ACAD11: variants seen among roughly 807,000 people sequenced by gnomAD.
ACAD11 encodes the protein acyl-Coenzyme A dehydrogenase family, member 11.
ACAD11 carries 83 observed loss-of-function variants against 102.2 expected under a neutral mutation model. The observed-to-expected ratio is 0.81, with a 90% CI of 0.68 to 0.97. The LOEUF is 0.97. Ranked by LOEUF, ACAD11 falls within the 50% of genes least tolerant of loss-of-function variation. The probability of loss-of-function intolerance (pLI) is 0.00; values close to 1 mark genes in which losing one functional copy is unlikely to be tolerated. For missense variants in ACAD11, 901 were observed against 951.7 expected (o/e 0.95, Z 0.70); for synonymous variants, 324 against 319.8 (o/e 1.01, Z -0.14).
intron 17 of ACAD11, among the ~76,000 whole-genome samples, chr3:132,568,815 A>G (rs984221903): frequency 6.6e-6 from 1 of 150,390 alleles, no homozygotes; most frequent in African/African-American, 2.4e-5. Context: ...AAAAAAAAAA[A>G]AAAAAAAAAA....
chr3:132,659,300 G>T (rs922631989), intron 1 of ACAD11, among the ~76,000 whole-genome samples: 1 of 152,196 alleles, frequency 6.6e-6, no homozygotes, highest in Admixed American at 6.5e-5. Context: ...CTATTTCTCA[G>T]AATTTGTAGC....
chr3:132,618,746 C>G lies in ACAD11; in HGVS notation c.1302G>C (p.Trp434Cys). The G allele has an allele frequency of 6.3e-7, 1 of 1,597,974 alleles. No homozygotes were observed. Among genetic ancestry groups the G allele is most frequent in the Non-Finnish European group, 8.5e-7 (1 of 1,173,698 alleles). ...CGCTGACAGCTGGCAAAAACAAGTTCCAGAGACCCTCGACTTTGGCCATTT... is the reference window on the plus strand; with the variant it reads ...CGCTGACAGCTGGCAAAAACAAGTTGCAGAGACCCTCGACTTTGGCCATTT... The part of the protein sequence containing the change: ...LKEMAKVEGL[W>C]NLFLPAVSGL... The change falls in exon 11 of 20, where the codon TGG (tryptophan) becomes TGC (cysteine). Residue 434 changes from tryptophan (W) to cysteine (C), a missense_variant. Physicochemically the swap from Trp to Cys is radical, Grantham distance 215. Transcript: ENST00000264990.
chr3:132,625,613 A>C (rs1030310144), intron 9 of ACAD11, among the ~76,000 whole-genome samples: 10 of 152,158 alleles, frequency 6.6e-5, no homozygotes, highest in Non-Finnish European at 1.3e-4. Flanking sequence ...GTATTTTTTA[A>C]AGAAATTATA....
chr3:132,658,304 A>T (rs1207327755), intron 1 of ACAD11, among the ~76,000 whole-genome samples: 2 of 152,180 alleles, frequency 1.3e-5, no homozygotes, highest in African/African-American at 4.8e-5. Context: ...CCAGAGTTCC[A>T]TATATATTTA....
chr3:132,645,009 G>A (rs568153209), intron 1 of ACAD11, 113 bp from the exon 2 acceptor site: 35 of 621,940 alleles, frequency 5.6e-5, no homozygotes, highest in East Asian at 8.6e-5. Flanking sequence ...TCTCAATGCT[G>A]GAAAATCAAG....
chr3:132,649,089 C>A (rs971718884), intron 1 of ACAD11, among the ~76,000 whole-genome samples: 4 of 152,368 alleles, frequency 2.6e-5, no homozygotes, highest in African/African-American at 9.6e-5. Context: ...CAATGCACTG[C>A]GGAAAGCCGC....
intron 15 of ACAD11, 68 bp downstream of exon 15, chr3:132,578,728 C>T: frequency 6.5e-7 from 1 of 1,529,296 alleles, no homozygotes; most frequent in Non-Finnish European, 9.0e-7. Context: ...ATGCTATTGC[C>T]TTCAATGTTA....
At chr3:132,609,327 C>T (rs920965046) in intron 11 of ACAD11, among the ~76,000 whole-genome samples, 2 of 152,068 alleles carry the variant, frequency 1.3e-5, no homozygotes, top group African/African-American at 2.4e-5. Flanking sequence ...AAGAAAAACC[C>T]TTCAAAAAAT....
intron 13 of ACAD11, among the ~76,000 whole-genome samples, chr3:132,585,006 T>A (rs1937741890): frequency 6.6e-6 from 1 of 152,146 alleles, no homozygotes. Context: ...TTAAAGTTCA[T>A]ATGGAACCAA....
At chr3:132,565,047 G>A (rs1937170442) in intron 17 of ACAD11, among the ~76,000 whole-genome samples, 1 of 152,084 alleles carries the variant, frequency 6.6e-6, no homozygotes, top group African/African-American at 2.4e-5. Context: ...CTAACCAAAG[G>A]ATCAGGAAAG....
At chr3:132,657,866 C>CT (rs56190801) in intron 1 of ACAD11, among the ~76,000 whole-genome samples, 5,541 of 119,136 alleles carry the variant, frequency 0.047, 221 homozygotes, top group East Asian at 0.11. Flanking sequence ...ACACATATTC[C>CT]TTTTTTTTTT....
intron 18 of ACAD11, among the ~76,000 whole-genome samples, chr3:132,560,294 T>C (rs894368839): frequency 1.3e-5 from 2 of 152,160 alleles, no homozygotes; most frequent in Admixed American, 1.3e-4. Flanking sequence ...TTATGGGCTT[T>C]TAGAATTAAA....
At chr3:132,594,440 AAACTTTATGTCTGTGG>A (rs1938213543) in intron 13 of ACAD11, among the ~76,000 whole-genome samples, 1 of 152,214 alleles carries the variant, frequency 6.6e-6, no homozygotes, top group Non-Finnish European at 1.5e-5. Flanking sequence ...CTCCATTGCT[AAACTTTATGTCTGTGG>A]AGGATAAGTT....
intron 17 of ACAD11, among the ~76,000 whole-genome samples, chr3:132,566,219 C>A (rs1041012683): frequency 1.5e-5 from 2 of 134,920 alleles, no homozygotes. Flanking sequence ...ACAGAGGGGA[C>A]AGAGGAAAAA....
intron 17 of ACAD11, among the ~76,000 whole-genome samples, chr3:132,567,472 C>A (rs1327039128): frequency 6.6e-6 from 1 of 151,918 alleles, no homozygotes; most frequent in East Asian, 1.9e-4. Flanking sequence ...TACAAAGAGA[C>A]ACTCGAGAAA....
intron 9 of ACAD11, 113 bp from the exon 10 acceptor site, chr3:132,619,658 C>T (rs1939538795): frequency 3.6e-6 from 2 of 550,998 alleles, no homozygotes; most frequent in Admixed American, 7.4e-5. Flanking sequence ...GCTTTTTCAG[C>T]TATTATTAAA....
At chr3:132,623,010 A>T (rs546295931) in intron 9 of ACAD11, among the ~76,000 whole-genome samples, 8 of 152,328 alleles carry the variant, frequency 5.3e-5, no homozygotes, top group Admixed American at 5.2e-4. Flanking sequence ...CCTGTTTTAC[A>T]TGCTATTTTT....
At chr3:132,593,685 G>T (rs1938177288) in intron 13 of ACAD11, among the ~76,000 whole-genome samples, 1 of 152,146 alleles carries the variant, frequency 6.6e-6, no homozygotes, top group Admixed American at 6.5e-5. Flanking sequence ...TGGGTGGATT[G>T]TTTGAGTCTA....
At chr3:132,559,113 CAG>C (rs766995422) in intron 19 of ACAD11, 28 bp from the exon 20 acceptor site, 2 of 1,498,648 alleles carry the variant, frequency 1.3e-6, no homozygotes, top group South Asian at 1.1e-5. Context: ...TCAGGGAACA[CAG>C]GGAGTTATGG....
Sources: gnomAD v4.1 joint callset for allele counts (sites outside exome capture counted in the v4.1 genomes callset) on GRCh38, gnomAD v4.1.1 for gene constraint, MANE v1.5 for transcripts, NCBI Gene and HGNC (gene_info 2026-07-23, HGNC 2026-07-21) for gene names.